The following BNC2 variants were observed in gnomAD, a reference collection of about 807,000 sequenced individuals.
The protein encoded by BNC2 is basonuclin zinc finger protein 2.
BNC2 carries 20 observed loss-of-function variants against 76.3 expected under a neutral mutation model. The ratio of observed to expected loss-of-function variants is 0.26; its 90% CI spans 0.18 to 0.38. The LOEUF is 0.38. Among genes scored for constraint, BNC2 ranks in the 10% least tolerant of loss-of-function variants. The pLI, the probability that BNC2 is intolerant of heterozygous loss-of-function variation, is 1.00. For missense variants in BNC2, 1,382 were observed against 1,399.8 expected (o/e 0.99, Z 0.20); for synonymous variants, 582 against 514.8 (o/e 1.13, Z -1.77).
intron 3 of BNC2, among the ~76,000 whole-genome samples, chr9:16,694,398 G>A (rs1285004455): frequency 6.6e-6 from 1 of 152,072 alleles, no homozygotes; most frequent in African/African-American, 2.4e-5. Context: ...CAGTTTAAGA[G>A]ACAAATACAA....
intron 3 of BNC2, among the ~76,000 whole-genome samples, chr9:16,598,955 G>A (rs1275997872): frequency 1.3e-5 from 2 of 152,166 alleles, no homozygotes; most frequent in African/African-American, 2.4e-5. Context: ...AAATAGGGTT[G>A]TGCCTTAAAT....
At chr9:16,724,129 C>T (rs1010713755) in intron 3 of BNC2, among the ~76,000 whole-genome samples, 3 of 151,922 alleles carry the variant, frequency 2.0e-5, no homozygotes, top group Non-Finnish European at 4.4e-5. Context: ...GTTAAATATA[C>T]CTCACCAATA....
At chr9:16,572,745 C>G (rs1819361251) in intron 4 of BNC2, among the ~76,000 whole-genome samples, 2 of 152,066 alleles carry the variant, frequency 1.3e-5, no homozygotes, top group African/African-American at 4.8e-5. Context: ...AATAGTGCAG[C>G]AAGCGTCAAA....
At chr9:16,467,695 G>A (rs1376429841) in intron 5 of BNC2, among the ~76,000 whole-genome samples, 1 of 142,768 alleles carries the variant, frequency 7.0e-6, no homozygotes, top group African/African-American at 2.6e-5. Context: ...GGTCGTGGGA[G>A]GGGGGAGGGA....
intron 3 of BNC2, among the ~76,000 whole-genome samples, chr9:16,708,791 C>T (rs1008029358): frequency 2.0e-5 from 3 of 152,044 alleles, no homozygotes; most frequent in African/African-American, 7.2e-5. Context: ...GGAGCTGGAG[C>T]CCCACAACAA....
At chr9:16,850,809 T>TG (rs1554751204) in intron 1 of BNC2, among the ~76,000 whole-genome samples, 1 of 148,506 alleles carries the variant, frequency 6.7e-6, no homozygotes, top group East Asian at 2.0e-4. Flanking sequence ...AAAAAGTAAA[T>TG]AAAAAAAAAA....
chr9:16,691,634 C>T (rs1174339054), intron 3 of BNC2, among the ~76,000 whole-genome samples: 3 of 151,154 alleles, frequency 2.0e-5, no homozygotes, highest in Non-Finnish European at 2.9e-5. Flanking sequence ...CTCAGCCTCC[C>T]GAGTAGCTGG....
intron 4 of BNC2, among the ~76,000 whole-genome samples, chr9:16,556,402 A>G (rs1818832820): frequency 6.6e-6 from 1 of 152,136 alleles, no homozygotes; most frequent in Non-Finnish European, 1.5e-5. Context: ...TCAATAGTAG[A>G]TCACAAAAAA....
chr9:16,679,380 C>G (rs1045925427), intron 3 of BNC2, among the ~76,000 whole-genome samples: 1 of 152,220 alleles, frequency 6.6e-6, no homozygotes, highest in Non-Finnish European at 1.5e-5. Context: ...GATGTCATCG[C>G]TATACAGCAA....
At position 16,506,510 on chromosome 9, in the gene BNC2, CCT is replaced by C. The variant is rs1201611034; in HGVS notation, c.669+46018_669+46019del. On this transcript the variant is annotated intron_variant, in intron 5 of 6. Coordinates refer to ENST00000380672, the MANE Select transcript of BNC2 (RefSeq NM_017637.6). ...AAAGTACACTTCTCTCTCTCTCTCT[CCT>C]CTTTTTTTTTTTTTTTTTTTTTTTT... 3.1e-3 allele frequency among the ~76,000 whole-genome samples: 272 copies of C among 88,580 alleles called. 5 individuals are homozygous for C. The highest frequency in any genetic ancestry group is 0.013 in the African/African-American group (256 of 20,214). The allele number at this position is 88,580 out of a possible 152,430, so 58.1% of individuals were successfully genotyped here.
At chr9:16,659,511 G>C (rs1334427229) in intron 3 of BNC2, among the ~76,000 whole-genome samples, 1 of 151,852 alleles carries the variant, frequency 6.6e-6, no homozygotes, top group Non-Finnish European at 1.5e-5. Flanking sequence ...GGGAGGCTGA[G>C]GCAGGAGAAT....
chr9:16,588,135 T>G (rs530039616), intron 3 of BNC2, among the ~76,000 whole-genome samples: 1 of 152,144 alleles, frequency 6.6e-6, no homozygotes. Context: ...AACAATGACA[T>G]TGCAACAGTG....
intron 4 of BNC2, among the ~76,000 whole-genome samples, chr9:16,569,530 G>C (rs894222784): frequency 6.6e-6 from 1 of 152,006 alleles, no homozygotes; most frequent in Admixed American, 6.6e-5. Flanking sequence ...GCATAATAAA[G>C]TCCTCAAAAC....
chr9:16,684,279 T>G (rs1471700794), intron 3 of BNC2, among the ~76,000 whole-genome samples: 2 of 152,178 alleles, frequency 1.3e-5, no homozygotes, highest in African/African-American at 4.8e-5. Flanking sequence ...AAGTCTTCCA[T>G]CACTCTGCAT....
At chr9:16,771,429 A>G (rs185441719) in intron 1 of BNC2, among the ~76,000 whole-genome samples, 42 of 152,320 alleles carry the variant, frequency 2.8e-4, no homozygotes, top group African/African-American at 9.9e-4. Context: ...ACTGTCTGCA[A>G]TCCCAGAAGT....
intron 5 of BNC2, among the ~76,000 whole-genome samples, chr9:16,480,400 C>A (rs1475622212): frequency 6.6e-6 from 1 of 152,258 alleles, no homozygotes; most frequent in Non-Finnish European, 1.5e-5. Context: ...TGGGCTCCCA[C>A]TTTGGCGGCA....
intron 5 of BNC2, among the ~76,000 whole-genome samples, chr9:16,486,879 C>A (rs1034055167): frequency 6.6e-6 from 1 of 152,106 alleles, no homozygotes; most frequent in Non-Finnish European, 1.5e-5. Flanking sequence ...GCACATGACA[C>A]CATGCCTAAT....
intron 5 of BNC2, among the ~76,000 whole-genome samples, chr9:16,439,872 T>C (rs1458017235): frequency 6.6e-6 from 1 of 152,208 alleles, no homozygotes; most frequent in Non-Finnish European, 1.5e-5. Flanking sequence ...TCCTTCATCA[T>C]GTAGATAGAA....
chr9:16,497,959 G>A (rs1333563068), intron 5 of BNC2, among the ~76,000 whole-genome samples: 1 of 146,176 alleles, frequency 6.8e-6, no homozygotes, highest in Non-Finnish European at 1.5e-5. Flanking sequence ...ACCGATCAAT[G>A]AGTGGATAAA....
Sources: gnomAD v4.1 joint callset for allele counts (sites outside exome capture counted in the v4.1 genomes callset) on GRCh38, gnomAD v4.1.1 for gene constraint, MANE v1.5 for transcripts, NCBI Gene and HGNC (gene_info 2026-07-23, HGNC 2026-07-21) for gene names.